The following ILK variants were observed in gnomAD, a reference collection of about 807,000 sequenced individuals.
ILK encodes scaffold protein ILK.
In ILK, 37 loss-of-function variants were observed where a neutral mutation model predicts 57.8. That is an observed-to-expected ratio of 0.64 (90% CI 0.49 to 0.84). ILK has a LOEUF of 0.84. ILK is among the 40% of genes least tolerant of loss of function. The pLI is 0.00. For synonymous variants in ILK, 231 were observed against 202.2 expected (o/e 1.14, Z -1.21); for missense variants, 528 against 595.7 (o/e 0.89, Z 1.18).
Position 6,609,532 on chromosome 11 carries a change from T to C in ILK, c.749T>C (p.Val250Ala). 1 of 1,614,178 alleles carries C rather than the reference T, an allele frequency of 6.2e-7. No homozygotes were observed. Among genetic ancestry groups the C allele is most frequent in the Non-Finnish European group, 8.5e-7 (1 of 1,180,040 alleles). ...TCTAGGATTTTCTCGCATCCAAATG[T>C]GCTCCCAGTGCTAGGTGCCTGCCAG... ...PRLRIFSHPNVLPVLGACQSP... is the reference protein window; with the variant it reads ...PRLRIFSHPNALPVLGACQSP... Residue 250 changes from valine to alanine, a missense_variant, in exon 9 of 13, where the codon GTG becomes GCG. Physicochemically the swap from Val to Ala is moderately conservative, Grantham distance 64. Transcript: ENST00000299421.
intron 2 of ILK, chr11:6,607,652 T>G (rs1254500759): frequency 6.5e-6 from 2 of 308,604 alleles, no homozygotes; most frequent in Non-Finnish European, 1.3e-5. Context: ...GACAAGACAG[T>G]CCATTAACAG....
rs775369494 is a variant in ILK, at chr11:6,608,466, T to G, written c.328T>G (p.Trp110Gly). Residue 110 changes from tryptophan (W) to glycine (G), a missense_variant, in exon 4 of 13, where the codon TGG becomes GGG. Coordinates refer to ENST00000299421, the MANE Select transcript of ILK (RefSeq NM_004517.4). This position sits in a 1 kb window ranked among gnomAD's most constrained non-coding sequence, Gnocchi z 4.9. ...GNVPLHYACFWGQDQVAEDLV... is the reference protein window; with the variant it reads ...GNVPLHYACFGGQDQVAEDLV... ...TGTGCCCCTGCACTATGCCTGTTTT[T>G]GGGGCCAAGATCAAGTGGCAGAGGT... 4 of 1,613,876 alleles carry G rather than the reference T, an allele frequency of 2.5e-6. No homozygotes were observed. The highest frequency in any genetic ancestry group is 2.2e-5 in the East Asian group (1 of 44,884).
rs370736279 is a variant in ILK at position 6,608,093 on chromosome 11, G to A, written c.137G>A (p.Arg46His). The A allele has an allele frequency of 3.1e-5, 50 of 1,613,996 alleles. No individual in the cohort carries two copies. The highest frequency in any genetic ancestry group is 7.7e-5 in the South Asian group (7 of 91,088). ...TTGCACTGGGCCTGCCGAGAGGGCC[G>A]CTCTGCTGTGGTTGAGATGTTGATC... is the stretch of plus-strand genomic sequence containing the variant. ...SPLHWACREG[R>H]SAVVEMLIMR... is the part of the protein sequence containing the mutation. The change falls in exon 3 of 13, where the codon CGC (arginine) becomes CAC (histidine). Residue 46 changes from arginine to histidine, a missense_variant. Physicochemically the swap from Arg to His is conservative, Grantham distance 29. Coordinates refer to ENST00000299421, the MANE Select transcript of ILK (RefSeq NM_004517.4). The surrounding 1 kb of genome is among the most constrained non-coding windows in gnomAD (Gnocchi z 4.9).
chr11:6,610,666 G>C lies in ILK; in HGVS notation c.*55G>C. The C allele has an allele frequency of 6.2e-7, 1 of 1,605,252 alleles. No homozygotes were observed. The highest frequency in any genetic ancestry group is 1.1e-5 in the South Asian group (1 of 90,650). On this transcript the variant is annotated 3_prime_UTR_variant, in exon 13 of 13. Transcript: ENST00000299421. The stretch of plus-strand genomic sequence containing the variant: ...GGTGTCGGGACATGGTTGGGGGAAT[G>C]CACCTCCCCAAAGCAGCAGGCCTCT...
At chr11:6,609,436 C>T in intron 8 of ILK, 28 bp downstream of exon 8, 1 of 1,613,600 alleles carries the variant, frequency 6.2e-7, no homozygotes, top group Non-Finnish European at 8.5e-7. Flanking sequence ...CTGGAAGCTG[C>T]TAGTTCCAAG....
intron 6 of ILK, 22 bp from the exon 7 acceptor site, chr11:6,609,049 C>A (rs1156611209): frequency 1.2e-6 from 2 of 1,612,658 alleles, no homozygotes; most frequent in South Asian, 1.1e-5. Context: ...AAGCTGGGTA[C>A]CTGACCTGCC....
Position 6,604,176 on chromosome 11 carries a change from G to A in ILK, c.-92-4G>A. On this transcript the variant is annotated splice_polypyrimidine_tract_variant and splice_region_variant and intron_variant, in intron 1 of 12. Transcript: ENST00000299421. ...CCCCCAACACAAACACTTCTCTCCT[G>A]TAGAGGATAAAGCTTGGGGTTCATC... 1 of 1,112,448 alleles carries A rather than the reference G, an allele frequency of 9.0e-7. No homozygotes were observed. The highest frequency in any genetic ancestry group is 1.5e-5 in the African/African-American group (1 of 64,956). 68.9% of individuals were successfully genotyped at this position (1,112,448 alleles called of 1,614,324 possible). A position where few individuals can be genotyped will look rare whatever the true frequency, so the allele number is the denominator to read the frequency against.
intron 2 of ILK, chr11:6,606,637 G>A (rs1302187702): frequency 6.6e-6 from 1 of 152,270 alleles, no homozygotes; most frequent in Admixed American, 6.5e-5. Context: ...GAAACTGGAA[G>A]GTTGTGGTGC....
intron 2 of ILK, among the ~76,000 whole-genome samples, chr11:6,605,450 T>C (rs1283695518): frequency 6.6e-6 from 1 of 151,748 alleles, no homozygotes; most frequent in African/African-American, 2.4e-5. Context: ...TCAACGGCAG[T>C]ACAGGCTACT....
At chr11:6,604,576 C>G (rs1475761472) in intron 2 of ILK, 2 of 633,858 alleles carry the variant, frequency 3.2e-6, no homozygotes, top group African/African-American at 1.8e-5. Flanking sequence ...CTACAGAGAG[C>G]TTTCCAGCCT....
chr11:6,609,670 G>A, intron 9 of ILK, 31 bp downstream of exon 9: 2 of 1,614,200 alleles, frequency 1.2e-6, no homozygotes, highest in South Asian at 1.1e-5. Flanking sequence ...TCCTTGGGGA[G>A]GAAATGGCAG....
At chr11:6,607,957 C>T (rs898941998) in intron 2 of ILK, 89 bp from the exon 3 acceptor site, 1 of 1,366,646 alleles carries the variant, frequency 7.3e-7, no homozygotes, top group African/African-American at 1.4e-5. Context: ...TAAGCCTTCC[C>T]AGAGAGTATG....
Position 6,608,128 on chromosome 11 carries a change from G to A in ILK, c.172G>A (p.Ala58Thr), listed in dbSNP as rs1379386108. Residue 58 changes from alanine (A) to threonine (T), a missense_variant, in exon 3 of 13, where the codon GCA becomes ACA. Physicochemically the swap from Ala to Thr is moderately conservative, Grantham distance 58. Transcript: ENST00000299421. The surrounding 1 kb of genome is among the most constrained non-coding windows in gnomAD (Gnocchi z 4.9). ...AVVEMLIMRG[A>T]RINVMNRGDD... Reference sequence around the variant, plus strand: ...GGTTGAGATGTTGATCATGCGGGGGGCACGGATCAATGTAATGAACCGTGG... The same window carrying A: ...GGTTGAGATGTTGATCATGCGGGGGACACGGATCAATGTAATGAACCGTGG... The A allele has an allele frequency of 6.2e-7, 1 of 1,614,046 alleles. No homozygotes were observed. Among genetic ancestry groups the A allele is most frequent in the Admixed American group, 1.7e-5 (1 of 60,026 alleles).
Position 6,609,707 on chromosome 11 carries a change from C to T in ILK, c.857-17C>T, listed in dbSNP as rs1476054929. ...GAGGGAGCCTCTCTGAACTATTTGA[C>T]TTTTGCCTCCTCTCAGATTTCGTCG... On this transcript the variant is annotated splice_polypyrimidine_tract_variant and intron_variant, in intron 9 of 12. Transcript: ENST00000299421. 4 of 1,614,196 alleles carry T rather than the reference C, an allele frequency of 2.5e-6. No individual in the cohort carries two copies. The highest frequency in any genetic ancestry group is 3.4e-6 in the Non-Finnish European group (4 of 1,180,018).
At chr11:6,610,101 G>C (rs781130666) in intron 11 of ILK, 47 bp from the exon 12 acceptor site, 20 of 1,611,384 alleles carry the variant, frequency 1.2e-5, no homozygotes, top group Non-Finnish European at 1.4e-5. Context: ...AGGGGGCAGA[G>C]ACAGGACAGG....
In ILK at chr11:6,609,063, ACT is replaced by A. The variant is rs1564846869; in HGVS notation, c.533-5_533-4del. On this transcript the variant is annotated splice_region_variant and splice_polypyrimidine_tract_variant and intron_variant, in intron 6 of 12. Transcript: ENST00000299421. ...GAAGCTGGGTACCTGACCTGCCCACACTCTTAGGAAATGGAACCCTGAACAAA... is the reference window on the plus strand; with the variant it reads ...GAAGCTGGGTACCTGACCTGCCCACACTTAGGAAATGGAACCCTGAACAAA... 6.2e-7 allele frequency: 1 copy of A among 1,613,742 alleles called. No individual in the cohort carries two copies. The highest frequency in any genetic ancestry group is 8.5e-7 in the Non-Finnish European group (1 of 1,179,726).
chr11:6,610,108 C>T (rs1855351915), intron 11 of ILK, 40 bp from the exon 12 acceptor site: 1 of 1,614,042 alleles, frequency 6.2e-7, no homozygotes, highest in Non-Finnish European at 8.5e-7. Context: ...AGAGACAGGA[C>T]AGGCAAGGGG....
chr11:6,604,399 G>A (rs1445978382), intron 2 of ILK, 39 bp downstream of exon 2: 30 of 1,543,682 alleles, frequency 1.9e-5, no homozygotes, highest in Non-Finnish European at 2.6e-5. Flanking sequence ...GAAGGCTAGA[G>A]ATCTCCTGGC....
rs1444626441 is a variant in ILK, at chr11:6,608,067, C to A, written c.111C>A (p.Pro37=). ...LNQGDDHGFS[P]LHWACREGRS... ...AAAGGGACGATCATGGCTTCTCCCC[C>A]TTGCACTGGGCCTGCCGAGAGGGCC... The change falls in exon 3 of 13, where the codon CCC becomes CCA. Residue 37 remains proline, a synonymous_variant. Coordinates refer to ENST00000299421, the MANE Select transcript of ILK (RefSeq NM_004517.4). This position sits in a 1 kb window ranked among gnomAD's most constrained non-coding sequence, Gnocchi z 4.9. The A allele has an allele frequency of 5.6e-6, 9 of 1,614,036 alleles. No homozygotes were observed. The highest frequency in any genetic ancestry group is 1.3e-5 in the African/African-American group (1 of 74,926).
Sources: gnomAD v4.1 joint callset for allele counts (sites outside exome capture counted in the v4.1 genomes callset) on GRCh38, gnomAD v4.1.1 for gene constraint, Gnocchi (gnomAD v3.1) non-coding constraint, MANE v1.5 for transcripts, NCBI Gene and HGNC (gene_info 2026-07-23, HGNC 2026-07-21) for gene names.